Variants in DPYD observed in about 807,000 individuals in gnomAD.
DPYD encodes the protein dihydropyrimidine dehydrogenase [NADP(+)].
A neutral mutation model predicts 116.2 loss-of-function variants in DPYD; 109 were observed. That is an observed-to-expected ratio of 0.94 (90% CI 0.80 to 1.10). DPYD has a LOEUF of 1.10. Ranked by LOEUF, DPYD falls within the 50% of genes least tolerant of loss-of-function variation. The pLI is 0.00. For synonymous variants in DPYD, 440 were observed against 432.0 expected (o/e 1.02, Z -0.23); for missense variants, 1,302 against 1,254.5 (o/e 1.04, Z -0.57).
chr1:97,161,731 CCCA>C (rs1557902389), intron 20 of DPYD, among the ~76,000 whole-genome samples: 1 of 114,892 alleles, frequency 8.7e-6, no homozygotes, highest in Non-Finnish European at 1.7e-5. Context: ...CTCCCCCCAC[CCCA>C]CAACAGTCCC....
At chr1:97,571,650 T>C (rs965679449) in intron 11 of DPYD, among the ~76,000 whole-genome samples, 1 of 151,908 alleles carries the variant, frequency 6.6e-6, no homozygotes, top group African/African-American at 2.4e-5. Context: ...AGAAATGACA[T>C]GACATAGTGT....
chr1:97,814,918 A>AGAGG (rs1348828257), intron 3 of DPYD, among the ~76,000 whole-genome samples: 2 of 85,580 alleles, frequency 2.3e-5, no homozygotes, highest in Admixed American at 1.4e-4. Context: ...AAAAAAAAAA[A>AGAGG]AAAGAAAGAG....
chr1:97,675,674 C>T (rs1422622876), intron 8 of DPYD, among the ~76,000 whole-genome samples: 1 of 151,634 alleles, frequency 6.6e-6, no homozygotes, highest in African/African-American at 2.4e-5. Flanking sequence ...CACAATCTAA[C>T]GTAGAATAAG....
chr1:97,530,676 AT>A (rs748131927), intron 12 of DPYD, among the ~76,000 whole-genome samples: 19 of 152,120 alleles, frequency 1.2e-4, no homozygotes, highest in Non-Finnish European at 2.4e-4. Flanking sequence ...TGATAGTTCT[AT>A]TTTAAATTTT....
Position 97,190,951 on chromosome 1 carries a change from C to T in DPYD, c.2622+2118G>A, listed in dbSNP as rs201194711. On this transcript the variant is annotated intron_variant, in intron 20 of 22. Transcript: ENST00000370192. ...TCTAGAGTGTCTTTCTACAAAGGGT[C>T]TACATTTTCTCTCATCTTCCTATAG... Among the ~76,000 whole-genome samples, 11 of 152,200 alleles carry T rather than the reference C, an allele frequency of 7.2e-5. No homozygotes were observed. The East Asian group carries it at 2.1e-3, about 29-fold the overall frequency.
At chr1:97,492,330 A>G (rs1209185217) in intron 13 of DPYD, among the ~76,000 whole-genome samples, 1 of 152,156 alleles carries the variant, frequency 6.6e-6, no homozygotes, top group East Asian at 1.9e-4. Context: ...GCAGTCAGTA[A>G]TCCTGGTCCT....
intron 16 of DPYD, among the ~76,000 whole-genome samples, chr1:97,344,500 GTTTATATATGTACATC>G (rs981590039): frequency 2.6e-4 from 39 of 151,472 alleles, no homozygotes; most frequent in African/African-American, 9.4e-4. Context: ...TAAACCCTAT[GTTTATATATGTACATC>G]TTTATATAAT....
intron 6 of DPYD, among the ~76,000 whole-genome samples, chr1:97,697,876 G>A (rs1456346658): frequency 3.3e-5 from 5 of 151,888 alleles, no homozygotes; most frequent in Admixed American, 2.6e-4. Context: ...GCAATCAAGT[G>A]GCAAACAGAT....
At chr1:97,401,022 T>C (rs949609272) in intron 14 of DPYD, among the ~76,000 whole-genome samples, 1 of 152,094 alleles carries the variant, frequency 6.6e-6, no homozygotes, top group Non-Finnish European at 1.5e-5. Flanking sequence ...AGATGTGTAG[T>C]GGTACCTCAT....
At chr1:97,659,836 C>T (rs192300978) in intron 8 of DPYD, among the ~76,000 whole-genome samples, 3 of 152,084 alleles carry the variant, frequency 2.0e-5, no homozygotes, top group African/African-American at 7.2e-5. Context: ...CATTCACCTT[C>T]ATTTCTTCAA....
intron 13 of DPYD, chr1:97,514,241 C>G (rs1421365490): frequency 2.0e-6 from 2 of 984,846 alleles, no homozygotes; most frequent in Non-Finnish European, 2.4e-6. Flanking sequence ...GACACAGCAT[C>G]ACAAATCAAT....
intron 3 of DPYD, among the ~76,000 whole-genome samples, chr1:97,793,901 A>G (rs1438717009): frequency 6.6e-6 from 1 of 152,112 alleles, no homozygotes; most frequent in Non-Finnish European, 1.5e-5. Flanking sequence ...CTGTTCTTTA[A>G]AACACCTGGT....
At chr1:97,900,229 C>G (rs1673293949) in intron 1 of DPYD, among the ~76,000 whole-genome samples, 1 of 151,828 alleles carries the variant, frequency 6.6e-6, no homozygotes, top group African/African-American at 2.4e-5. Context: ...AAGACAGAAA[C>G]CTGTTGACAA....
At chr1:97,192,571 T>C (rs373722979) in intron 20 of DPYD, among the ~76,000 whole-genome samples, 175 of 152,276 alleles carry the variant, frequency 1.1e-3, no homozygotes, top group African/African-American at 4.0e-3. Flanking sequence ...TCTTGGAAAA[T>C]AGCAGTTAGT....
At chr1:97,809,967 T>C (rs572378820) in intron 3 of DPYD, among the ~76,000 whole-genome samples, 86 of 152,134 alleles carry the variant, frequency 5.7e-4, no homozygotes, top group African/African-American at 2.1e-3. Context: ...TCACATTTTA[T>C]AGATTTCCAG....
chr1:97,374,505 G>A (rs113585985), intron 15 of DPYD, among the ~76,000 whole-genome samples: 12 of 151,976 alleles, frequency 7.9e-5, no homozygotes, highest in African/African-American at 2.7e-4. Context: ...CAGATCATGA[G>A]GTCAGGAGAT....
At chr1:97,193,023 C>A (rs1658487209) in intron 20 of DPYD, 46 bp downstream of exon 20, 8 of 1,603,614 alleles carry the variant, frequency 5.0e-6, no homozygotes, top group Non-Finnish European at 6.8e-6. Context: ...GAAATAGAAA[C>A]CAAGGCTGAG....
intron 18 of DPYD, among the ~76,000 whole-genome samples, chr1:97,263,975 T>C (rs935257932): frequency 6.6e-6 from 1 of 151,974 alleles, no homozygotes; most frequent in Admixed American, 6.6e-5. Context: ...TGGCTGAAAA[T>C]AGCCCTTGAT....
chr1:97,623,603 A>G (rs930596813), intron 8 of DPYD, among the ~76,000 whole-genome samples: 1 of 151,950 alleles, frequency 6.6e-6, no homozygotes, highest in Non-Finnish European at 1.5e-5. Flanking sequence ...TCCAACTTTA[A>G]TTTTCATAGA....
Sources: gnomAD v4.1 joint callset for allele counts (sites outside exome capture counted in the v4.1 genomes callset) on GRCh38, gnomAD v4.1.1 for gene constraint, MANE v1.5 for transcripts, NCBI Gene and HGNC (gene_info 2026-07-23, HGNC 2026-07-21) for gene names.